Variants in PARD3B observed in about 807,000 individuals in gnomAD.
PARD3B encodes the protein par-3 family cell polarity regulator beta, also known as partitioning defective 3 homolog B.
A neutral mutation model predicts 130.2 loss-of-function variants in PARD3B; 103 were observed. The ratio of observed to expected loss-of-function variants is 0.79; its 90% CI spans 0.67 to 0.93. PARD3B has a LOEUF of 0.93. Among genes scored for constraint, PARD3B ranks in the 40% least tolerant of loss-of-function variants. The probability of loss-of-function intolerance (pLI) is 0.00; values close to 1 mark genes in which losing one functional copy is unlikely to be tolerated. For synonymous variants in PARD3B, 583 were observed against 553.2 expected (o/e 1.05, Z -0.76); for missense variants, 1,609 against 1,499.2 (o/e 1.07, Z -1.21).
At chr2:205,289,960 C>A (rs1002293857) in intron 16 of PARD3B, among the ~76,000 whole-genome samples, 1 of 152,112 alleles carries the variant, frequency 6.6e-6, no homozygotes, top group Admixed American at 6.5e-5. Context: ...AATTTCTTTT[C>A]TTTATACATT....
intron 16 of PARD3B, among the ~76,000 whole-genome samples, chr2:205,249,193 A>AT (rs367716905): frequency 0.12 from 14,987 of 123,240 alleles, 847 homozygotes; most frequent in African/African-American, 0.18. Flanking sequence ...TTTTTTTTGT[A>AT]TTTTTTTTTT....
chr2:204,977,369 T>C (rs953653607), intron 3 of PARD3B, among the ~76,000 whole-genome samples: 5 of 152,196 alleles, frequency 3.3e-5, no homozygotes, highest in African/African-American at 1.2e-4. Context: ...TTTAATGTTG[T>C]TCTCCTCCCT....
At chr2:204,991,241 C>A (rs1398815392) in intron 3 of PARD3B, among the ~76,000 whole-genome samples, 1 of 145,610 alleles carries the variant, frequency 6.9e-6, no homozygotes, top group African/African-American at 2.6e-5. Context: ...CCCAACCCAC[C>A]ACAGTCCCCA....
At chr2:204,743,914 T>C (rs1251962406) in intron 2 of PARD3B, among the ~76,000 whole-genome samples, 2 of 152,132 alleles carry the variant, frequency 1.3e-5, no homozygotes, top group Non-Finnish European at 2.9e-5. Flanking sequence ...TTTGGCTCTT[T>C]GGTTGGTTCT....
chr2:205,247,296 A>G (rs1466171008), intron 16 of PARD3B, among the ~76,000 whole-genome samples: 2 of 152,212 alleles, frequency 1.3e-5, no homozygotes, highest in African/African-American at 4.8e-5. Flanking sequence ...CTCTTTTTAG[A>G]TGAGAACTTT....
intron 20 of PARD3B, among the ~76,000 whole-genome samples, chr2:205,479,437 A>G (rs147674919): frequency 1.3e-5 from 2 of 152,362 alleles, no homozygotes; most frequent in South Asian, 2.1e-4. Context: ...CTCAAAATGT[A>G]TAAAACCTAT....
chr2:205,009,291 G>T (rs1366723314), intron 3 of PARD3B, among the ~76,000 whole-genome samples: 1 of 152,102 alleles, frequency 6.6e-6, no homozygotes, highest in African/African-American at 2.4e-5. Context: ...AAAATTAATT[G>T]ATATTGAGTC....
intron 2 of PARD3B, among the ~76,000 whole-genome samples, chr2:204,946,233 C>T (rs970751639): frequency 2.0e-5 from 3 of 152,176 alleles, no homozygotes; most frequent in Admixed American, 6.5e-5. Flanking sequence ...TAACACAGTG[C>T]TTGGCCTGTT....
At chr2:204,760,535 C>A (rs2040854708) in intron 2 of PARD3B, among the ~76,000 whole-genome samples, 1 of 151,902 alleles carries the variant, frequency 6.6e-6, no homozygotes, top group Non-Finnish European at 1.5e-5. Flanking sequence ...TGTAGTTTTT[C>A]TTTTAATATA....
chr2:204,775,653 A>G (rs1413293507), intron 2 of PARD3B, among the ~76,000 whole-genome samples: 1 of 152,098 alleles, frequency 6.6e-6, no homozygotes, highest in Admixed American at 6.5e-5. Flanking sequence ...CTGCCTTCTG[A>G]GTCTACTAAA....
At chr2:205,174,833 G>A (rs1370145248) in intron 12 of PARD3B, among the ~76,000 whole-genome samples, 1 of 152,166 alleles carries the variant, frequency 6.6e-6, no homozygotes, top group African/African-American at 2.4e-5. Context: ...GTTTTGATGA[G>A]GACCTTGTGA....
intron 2 of PARD3B, among the ~76,000 whole-genome samples, chr2:204,839,795 T>C (rs2125585347): frequency 6.6e-6 from 1 of 152,248 alleles, no homozygotes; most frequent in Admixed American, 6.5e-5. Context: ...GAACAACTGT[T>C]TTTGTTCAAG....
chr2:204,559,466 A>G (rs1189875788), intron 1 of PARD3B, among the ~76,000 whole-genome samples: 1 of 152,244 alleles, frequency 6.6e-6, no homozygotes, highest in African/African-American at 2.4e-5. Flanking sequence ...CATCAGAGAA[A>G]TGCAAATTAA....
At chr2:205,356,363 C>T (rs1352382503) in intron 18 of PARD3B, among the ~76,000 whole-genome samples, 1 of 151,880 alleles carries the variant, frequency 6.6e-6, no homozygotes, top group Non-Finnish European at 1.5e-5. Context: ...TATTTGTTTA[C>T]TTATTTGAGA....
At chr2:204,990,234 T>C (rs185271934) in intron 3 of PARD3B, among the ~76,000 whole-genome samples, 11 of 152,178 alleles carry the variant, frequency 7.2e-5, no homozygotes, top group Admixed American at 3.9e-4. Flanking sequence ...TTTTTACTCA[T>C]TGATTTGCAG....
At chr2:205,429,218 G>A (rs866964142) in intron 19 of PARD3B, among the ~76,000 whole-genome samples, 8 of 152,178 alleles carry the variant, frequency 5.3e-5, no homozygotes, top group Non-Finnish European at 1.0e-4. Flanking sequence ...TCACAATCCC[G>A]TATTCCCCCA....
Position 205,615,635 on chromosome 2 carries a change from C to T in PARD3B, c.3440C>T (p.Pro1147Leu), listed in dbSNP as rs771791270. Residue 1147 changes from proline to leucine, a missense_variant, in exon 23 of 23, where the codon CCA becomes CTA. Physicochemically the swap from Pro to Leu is moderately conservative, Grantham distance 98. Transcript: ENST00000406610. ...TATCCTCAGCACTACCCACCCCCGC[C>T]AGCTCCCCAGCACAAAGGACCCTTT... is the stretch of plus-strand genomic sequence containing the variant. ...LRYPQHYPPP[P>L]APQHKGPFRQ... is the part of the protein sequence containing the mutation. 7 of 1,614,122 alleles carry T rather than the reference C, an allele frequency of 4.3e-6. No individual in the cohort carries two copies. The South Asian group carries it at 7.7e-5, about 18-fold the overall frequency.
intron 4 of PARD3B, among the ~76,000 whole-genome samples, chr2:205,049,770 C>T (rs764216235): frequency 3.9e-5 from 6 of 152,216 alleles, no homozygotes; most frequent in Non-Finnish European, 8.8e-5. Flanking sequence ...TAAATGCTGG[C>T]GCCCAAAATC....
At chr2:204,813,439 A>G (rs2043034236) in intron 2 of PARD3B, among the ~76,000 whole-genome samples, 1 of 152,002 alleles carries the variant, frequency 6.6e-6, no homozygotes, top group Non-Finnish European at 1.5e-5. Flanking sequence ...TTTATTTGAT[A>G]TATGATTTGA....
Sources: allele counts gnomAD v4.1 joint callset (sites outside exome capture counted in the v4.1 genomes callset), GRCh38; gene constraint gnomAD v4.1.1; transcripts MANE v1.5; gene names NCBI Gene and HGNC (gene_info 2026-07-23, HGNC 2026-07-21).